Variants in SLC24A3 observed in about 807,000 individuals in gnomAD.
SLC24A3 encodes the protein solute carrier family 24 member 3.
Under a neutral mutation model 75.8 loss-of-function variants are expected in SLC24A3, and 28 were observed. The observed-to-expected ratio is 0.37, with a 90% confidence interval of 0.27 to 0.51. The LOEUF (loss-of-function observed/expected upper bound fraction) is 0.51. Among genes scored for constraint, SLC24A3 ranks in the 20% least tolerant of loss-of-function variants. The probability of loss-of-function intolerance (pLI) is 0.94; values close to 1 mark genes in which losing one functional copy is unlikely to be tolerated. For synonymous variants in SLC24A3, 372 were observed against 334.1 expected (o/e 1.11, Z -1.24); for missense variants, 663 against 847.8 (o/e 0.78, Z 2.71).
chr20:19,572,156 G>A (rs1277895109), intron 3 of SLC24A3, among the ~76,000 whole-genome samples: 1 of 152,108 alleles, frequency 6.6e-6, no homozygotes, highest in Non-Finnish European at 1.5e-5. Flanking sequence ...TGGCAACATA[G>A]GGAGGAGCCC....
At chr20:19,255,670 A>G (rs1982792606) in intron 1 of SLC24A3, among the ~76,000 whole-genome samples, 2 of 152,232 alleles carry the variant, frequency 1.3e-5, no homozygotes, top group African/African-American at 4.8e-5. Flanking sequence ...GTGCTGTCCA[A>G]TACGGGAGCC....
chr20:19,513,066 G>C (rs1352464926), intron 2 of SLC24A3, among the ~76,000 whole-genome samples: 1 of 152,084 alleles, frequency 6.6e-6, no homozygotes, highest in Non-Finnish European at 1.5e-5. Context: ...CCTAGGACTG[G>C]CCAGTGCCAA....
intron 2 of SLC24A3, among the ~76,000 whole-genome samples, chr20:19,391,946 G>A (rs1986373665): frequency 6.6e-6 from 1 of 152,184 alleles, no homozygotes; most frequent in Non-Finnish European, 1.5e-5. Context: ...TCCGAATCTT[G>A]TGCCTGGAGA....
At chr20:19,300,452 T>C (rs73284640) in intron 2 of SLC24A3, among the ~76,000 whole-genome samples, 3,195 of 152,200 alleles carry the variant, frequency 0.021, 46 homozygotes, top group African/African-American at 0.034. Flanking sequence ...GACTGCAACC[T>C]CTTAAGAATT....
chr20:19,679,565 G>C (rs945025232), intron 9 of SLC24A3, among the ~76,000 whole-genome samples: 26 of 145,390 alleles, frequency 1.8e-4, no homozygotes, highest in African/African-American at 3.3e-4. Context: ...GAGAGGGAGA[G>C]GGAGACGGAG....
At chr20:19,244,743 A>G (rs575017674) in intron 1 of SLC24A3, among the ~76,000 whole-genome samples, 1 of 152,236 alleles carries the variant, frequency 6.6e-6, no homozygotes, top group South Asian at 2.1e-4. Context: ...TGTGATGTCC[A>G]ATAGACAAGA....
chr20:19,635,368 T>G (rs1311417604), intron 6 of SLC24A3, among the ~76,000 whole-genome samples: 1 of 152,226 alleles, frequency 6.6e-6, no homozygotes, highest in Non-Finnish European at 1.5e-5. Flanking sequence ...CTAGAGGGTC[T>G]CTCTGAGCTT....
At chr20:19,608,258 T>G (rs1197577811) in intron 6 of SLC24A3, among the ~76,000 whole-genome samples, 1 of 152,248 alleles carries the variant, frequency 6.6e-6, no homozygotes, top group East Asian at 1.9e-4. Flanking sequence ...GTTCTGGTAT[T>G]TGCTTTCTTT....
At chr20:19,583,679 G>A (rs2031252643) in intron 4 of SLC24A3, among the ~76,000 whole-genome samples, 1 of 152,204 alleles carries the variant, frequency 6.6e-6, no homozygotes, top group Non-Finnish European at 1.5e-5. Context: ...AGCAACACAT[G>A]GCTCCCGCCT....
chr20:19,419,829 T>G (rs1297728933), intron 2 of SLC24A3, among the ~76,000 whole-genome samples: 1 of 151,508 alleles, frequency 6.6e-6, no homozygotes, highest in Non-Finnish European at 1.5e-5. Flanking sequence ...CAAGTTTTTT[T>G]TTTTTTTTTT....
chr20:19,693,363 A>G lies in SLC24A3; in HGVS notation c.1429A>G (p.Met477Val). The change falls in exon 13 of 17, where the codon ATG becomes GTG. Residue 477 changes from methionine to valine, a missense_variant. By Grantham distance (21) the Met-to-Val change is conservative. This residue lies in a region of SLC24A3 where 510 missense variants were observed against 703.6 expected (regional missense o/e 0.72). Transcript: ENST00000328041. Reference protein sequence around the residue: ...CNKPRWEKWFMVTFASSTLWI... With the variant: ...CNKPRWEKWFVVTFASSTLWI... The stretch of plus-strand genomic sequence containing the variant: ...CAAGCCGCGCTGGGAGAAATGGTTC[A>G]TGGTGACGTTTGCTTCCTCCACGCT... 1 of 1,614,160 alleles carries G rather than the reference A, an allele frequency of 6.2e-7. No homozygotes were observed. The highest frequency in any genetic ancestry group is 8.5e-7 in the Non-Finnish European group (1 of 1,180,028).
Position 19,644,670 on chromosome 20 carries a change from C to T in SLC24A3, c.613-9392C>T, listed in dbSNP as rs905221781. Among the ~76,000 whole-genome samples the T allele has an allele frequency of 5.3e-5, 8 of 152,296 alleles. No individual in the cohort carries two copies. The East Asian group carries it at 9.6e-4, about 18-fold the overall frequency. On this transcript the variant is annotated intron_variant, in intron 6 of 16. Coordinates refer to ENST00000328041, the MANE Select transcript of SLC24A3 (RefSeq NM_020689.4). The stretch of plus-strand genomic sequence containing the variant: ...GAATTAAACAAATAGCACTCTTAAT[C>T]AAAATCTACAGATAACCCCAAACAG...
At chr20:19,244,057 T>C (rs1214444449) in intron 1 of SLC24A3, 1 of 152,200 alleles carries the variant, frequency 6.6e-6, no homozygotes, top group Non-Finnish European at 1.5e-5. Flanking sequence ...TGTCATCCAA[T>C]TGTTTGACAA....
intron 3 of SLC24A3, among the ~76,000 whole-genome samples, chr20:19,546,182 A>AAAAAAAAAAAAAAAC (rs1283634511): frequency 2.1e-5 from 3 of 140,316 alleles, no homozygotes; most frequent in Non-Finnish European, 3.2e-5. Context: ...AAAAAAAAAA[A>AAAAAAAAAAAAAAAC]AAAAAACCAG....
At chr20:19,483,796 C>T (rs1034281746) in intron 2 of SLC24A3, among the ~76,000 whole-genome samples, 1 of 152,262 alleles carries the variant, frequency 6.6e-6, no homozygotes, top group African/African-American at 2.4e-5. Context: ...CTTCTTGGGT[C>T]ACACTGGAAG....
Position 19,681,951 on chromosome 20 carries a change from C to G in SLC24A3, c.861C>G (p.Asp287Glu), listed in dbSNP as rs748758766. Residue 287 changes from aspartate to glutamate, a missense_variant, in exon 10 of 17, where the codon GAC becomes GAG. By Grantham distance (45) the Asp-to-Glu change is conservative. This residue lies in a region of SLC24A3 where 510 missense variants were observed against 703.6 expected (regional missense o/e 0.72). Transcript: ENST00000328041. ...TGGCCAACAATGCTGAAATTGATGA[C>G]AGCAGCAACTGCGACGCAACTGTGG... is the stretch of plus-strand genomic sequence containing the variant. ...NGLANNAEID[D>E]SSNCDATVVL... 10 of 1,614,186 alleles carry G rather than the reference C, an allele frequency of 6.2e-6. No individual in the cohort carries two copies. The highest frequency in any genetic ancestry group is 8.5e-6 in the Non-Finnish European group (10 of 1,180,020).
intron 2 of SLC24A3, among the ~76,000 whole-genome samples, chr20:19,451,525 G>T (rs1166765253): frequency 6.6e-6 from 1 of 152,202 alleles, no homozygotes; most frequent in Admixed American, 6.5e-5. Flanking sequence ...GTGCAGAGAT[G>T]ACTTGTGCCA....
rs376645092 is a variant in SLC24A3, at chr20:19,347,570, A to G, written c.271+66483A>G. On this transcript the variant is annotated intron_variant, in intron 2 of 16. Coordinates refer to ENST00000328041, the MANE Select transcript of SLC24A3 (RefSeq NM_020689.4). ...TAAGGTCTATTGACAAATGACAAGA[A>G]AAAAATTATGTAAATTGGAGTTTTA... 3.7e-4 allele frequency among the ~76,000 whole-genome samples: 56 copies of G among 152,360 alleles called. No homozygotes were observed. In the South Asian group the frequency reaches 0.011, roughly 31 times the overall value.
At chr20:19,431,540 G>A (rs1017725728) in intron 2 of SLC24A3, among the ~76,000 whole-genome samples, 3 of 151,994 alleles carry the variant, frequency 2.0e-5, no homozygotes, top group African/African-American at 7.3e-5. Context: ...GTGGTGAGGT[G>A]CCTGTCGCCA....
Sources: allele counts gnomAD v4.1 joint callset (sites outside exome capture counted in the v4.1 genomes callset), GRCh38; gene constraint gnomAD v4.1.1; regional missense constraint gnomAD v4.1.1; transcripts MANE v1.5; gene names NCBI Gene and HGNC (gene_info 2026-07-23, HGNC 2026-07-21).